CCDC91: variants seen among roughly 807,000 people sequenced by gnomAD.
CCDC91 encodes the protein coiled-coil domain containing 91.
CCDC91 carries 48 observed loss-of-function variants against 63.2 expected under a neutral mutation model. The observed-to-expected ratio is 0.76, with a 90% CI of 0.60 to 0.97. The LOEUF (loss-of-function observed/expected upper bound fraction) is 0.97, where lower values mean the gene tolerates loss of function less well. Among genes scored for constraint, CCDC91 ranks in the 50% least tolerant of loss-of-function variants. The probability of loss-of-function intolerance (pLI) is 0.00; values close to 1 mark genes in which losing one functional copy is unlikely to be tolerated. For missense variants in CCDC91, 500 were observed against 494.6 expected (o/e 1.01, Z -0.10); for synonymous variants, 167 against 165.8 (o/e 1.01, Z -0.06).
chr12:28,547,113 C>G (rs1943044971), intron 12 of CCDC91, among the ~76,000 whole-genome samples: 1 of 151,946 alleles, frequency 6.6e-6, no homozygotes, highest in African/African-American at 2.4e-5. Context: ...AAGATGTGGA[C>G]CACATATTTT....
intron 8 of CCDC91, among the ~76,000 whole-genome samples, chr12:28,425,948 C>T (rs1948291485): frequency 6.6e-6 from 1 of 152,182 alleles, no homozygotes; most frequent in Non-Finnish European, 1.5e-5. Context: ...CAATGTTCAT[C>T]CTGTTTCTGT....
intron 8 of CCDC91, among the ~76,000 whole-genome samples, chr12:28,439,831 C>A (rs1949093843): frequency 6.8e-6 from 1 of 146,244 alleles, no homozygotes; most frequent in African/African-American, 2.5e-5. Context: ...AGAATTTTTT[C>A]CAAAGGAGGG....
chr12:28,520,493 T>C (rs1193144381), intron 12 of CCDC91, among the ~76,000 whole-genome samples: 1 of 152,206 alleles, frequency 6.6e-6, no homozygotes, highest in Admixed American at 6.6e-5. Context: ...ATGGGTAGAT[T>C]GCAAAAATTT....
intron 6 of CCDC91, among the ~76,000 whole-genome samples, chr12:28,348,926 A>G (rs1343350646): frequency 2.0e-5 from 3 of 151,764 alleles, no homozygotes; most frequent in Admixed American, 6.6e-5. Context: ...GTTTTGCTCT[A>G]TTTCCTAGGC....
intron 12 of CCDC91, among the ~76,000 whole-genome samples, chr12:28,500,831 C>A (rs564976845): frequency 3.3e-5 from 5 of 151,616 alleles, no homozygotes; most frequent in Non-Finnish European, 7.4e-5. Context: ...CCTGCCCTCC[C>A]CCTATTATCT....
intron 12 of CCDC91, among the ~76,000 whole-genome samples, chr12:28,508,218 G>C (rs1195100776): frequency 1.3e-5 from 2 of 151,856 alleles, no homozygotes; most frequent in Non-Finnish European, 2.9e-5. Flanking sequence ...GATCCTGTTA[G>C]TTTCTCTGGT....
intron 8 of CCDC91, among the ~76,000 whole-genome samples, chr12:28,405,443 A>T (rs1229206992): frequency 1.3e-5 from 2 of 152,176 alleles, no homozygotes; most frequent in Admixed American, 1.3e-4. Context: ...GAAAAAGAAA[A>T]AGTTTTAATT....
At chr12:28,259,293 G>T in intron 2 of CCDC91, 71 bp from the exon 3 acceptor site, 1 of 1,094,410 alleles carries the variant, frequency 9.1e-7, no homozygotes. Context: ...TATTGAACTG[G>T]AATGCTTGAT....
chr12:28,204,073 C>T (rs774203027), intron 1 of CCDC91, among the ~76,000 whole-genome samples: 2 of 152,024 alleles, frequency 1.3e-5, no homozygotes, highest in Non-Finnish European at 2.9e-5. Flanking sequence ...AATGATCTCT[C>T]CCTCTGTCCC....
chr12:28,535,340 TATG>T (rs1210904824), intron 12 of CCDC91, among the ~76,000 whole-genome samples: 2 of 152,236 alleles, frequency 1.3e-5, no homozygotes, highest in Admixed American at 6.5e-5. Flanking sequence ...GGAATGTCTA[TATG>T]ATAATAGTCT....
chr12:28,475,647 C>G (rs1592779518), intron 11 of CCDC91, among the ~76,000 whole-genome samples: 1 of 151,948 alleles, frequency 6.6e-6, no homozygotes, highest in East Asian at 1.9e-4. Context: ...TTCCCTCTGT[C>G]TTGAGTGCTC....
At chr12:28,239,160 A>C (rs1043863380) in intron 1 of CCDC91, among the ~76,000 whole-genome samples, 8 of 151,996 alleles carry the variant, frequency 5.3e-5, no homozygotes, top group Non-Finnish European at 1.2e-4. Context: ...TAAATTAAAA[A>C]ATGTAGTGAT....
chr12:28,510,094 G>T (rs1166243147), intron 12 of CCDC91, among the ~76,000 whole-genome samples: 3 of 151,338 alleles, frequency 2.0e-5, no homozygotes. Context: ...GGAGAAGCTG[G>T]TTTTTGATAA....
At chr12:28,330,671 G>C (rs1192270004) in intron 6 of CCDC91, among the ~76,000 whole-genome samples, 1 of 152,068 alleles carries the variant, frequency 6.6e-6, no homozygotes, top group East Asian at 1.9e-4. Context: ...TGGTGTTTTA[G>C]TCATGAAGTC....
rs1356647266 is a variant in CCDC91, at chr12:28,485,970, GTTTAT to G, written c.1215+1811_1215+1815del. 2.0e-5 allele frequency among the ~76,000 whole-genome samples: 3 copies of G among 152,070 alleles called. No individual in the cohort carries two copies. In the East Asian group the frequency reaches 5.8e-4, roughly 29 times the overall value. ...TTTTTTATCATCTCTTTTTAAAATT[GTTTAT>G]TTTATGTTAGTAAGAACACTTAACA... On this transcript the variant is annotated intron_variant, in intron 12 of 12. Transcript: ENST00000536442.
At chr12:28,244,759 A>G (rs1945603372) in intron 1 of CCDC91, among the ~76,000 whole-genome samples, 1 of 151,700 alleles carries the variant, frequency 6.6e-6, no homozygotes, top group Non-Finnish European at 1.5e-5. Context: ...ACATAATGGC[A>G]TCTAGGCTCC....
At chr12:28,512,515 G>A (rs1268251781) in intron 12 of CCDC91, among the ~76,000 whole-genome samples, 2 of 151,864 alleles carry the variant, frequency 1.3e-5, no homozygotes, top group Non-Finnish European at 2.9e-5. Context: ...TGGCGAATGG[G>A]CCAAATCCAG....
chr12:28,277,100 T>C (rs1167740739), intron 3 of CCDC91, among the ~76,000 whole-genome samples: 1 of 151,960 alleles, frequency 6.6e-6, no homozygotes, highest in Non-Finnish European at 1.5e-5. Flanking sequence ...AATATTTCTC[T>C]GTAAGATCAC....
chr12:28,547,434 T>G (rs1457050776), intron 12 of CCDC91, among the ~76,000 whole-genome samples: 2 of 152,144 alleles, frequency 1.3e-5, no homozygotes, highest in African/African-American at 2.4e-5. Context: ...TGTATCTTGA[T>G]TCACTCAATC....
Sources: gnomAD v4.1 joint callset for allele counts (sites outside exome capture counted in the v4.1 genomes callset) on GRCh38, gnomAD v4.1.1 for gene constraint, MANE v1.5 for transcripts, NCBI Gene and HGNC (gene_info 2026-07-23, HGNC 2026-07-21) for gene names.